Variants in KCNH1 observed in about 807,000 individuals in gnomAD.
KCNH1 encodes the protein voltage-gated delayed rectifier potassium channel KCNH1.
Under a neutral mutation model 69.2 loss-of-function variants are expected in KCNH1, and 27 were observed. The observed-to-expected ratio is 0.39, with a 90% CI of 0.29 to 0.54. The LOEUF is 0.54. Among genes scored for constraint, KCNH1 ranks in the 20% least tolerant of loss-of-function variants. The pLI, the probability that KCNH1 is intolerant of heterozygous loss-of-function variation, is 0.68. For synonymous variants in KCNH1, 456 were observed against 487.7 expected (o/e 0.93, Z 0.86); for missense variants, 798 against 1,261.6 (o/e 0.63, Z 5.57).
intron 6 of KCNH1, among the ~76,000 whole-genome samples, chr1:210,969,374 T>C (rs1451816334): frequency 6.6e-6 from 1 of 152,092 alleles, no homozygotes; most frequent in Non-Finnish European, 1.5e-5. Flanking sequence ...ACTAGAATAA[T>C]ATATATCTTG....
intron 3 of KCNH1, among the ~76,000 whole-genome samples, chr1:211,091,586 G>C (rs966857199): frequency 2.6e-5 from 4 of 152,170 alleles, no homozygotes; most frequent in African/African-American, 9.7e-5. Flanking sequence ...CCCATACAAA[G>C]CTCTCCAGAA....
At chr1:210,824,505 T>G (rs995916859) in intron 7 of KCNH1, among the ~76,000 whole-genome samples, 9 of 152,146 alleles carry the variant, frequency 5.9e-5, no homozygotes, top group African/African-American at 2.2e-4. Context: ...AAAGAAATGT[T>G]GTTGCTTTAC....
chr1:210,979,796 T>C (rs909358044), intron 6 of KCNH1, among the ~76,000 whole-genome samples: 3 of 152,222 alleles, frequency 2.0e-5, no homozygotes, highest in Non-Finnish European at 4.4e-5. Flanking sequence ...GCACACCCTA[T>C]GTAATGCTTT....
chr1:210,770,527 CATTGGCCTTTCTAGT>C (rs1489695464), intron 10 of KCNH1, among the ~76,000 whole-genome samples: 3 of 152,236 alleles, frequency 2.0e-5, no homozygotes, highest in Non-Finnish European at 4.4e-5. Flanking sequence ...AGACTCAAAG[CATTGGCCTTTCTAGT>C]GAGTTACTAA....
intron 5 of KCNH1, among the ~76,000 whole-genome samples, chr1:211,061,980 G>A (rs2102450442): frequency 6.6e-6 from 1 of 152,184 alleles, no homozygotes; most frequent in East Asian, 1.9e-4. Context: ...AAATTTATAT[G>A]GAGCAACAGA....
At chr1:210,912,780 G>C (rs1687259663) in intron 7 of KCNH1, among the ~76,000 whole-genome samples, 1 of 152,308 alleles carries the variant, frequency 6.6e-6, no homozygotes, top group Admixed American at 6.5e-5. Context: ...CTGAAAGCCA[G>C]AACTGACTGG....
intron 10 of KCNH1, among the ~76,000 whole-genome samples, chr1:210,750,138 T>C (rs190679564): frequency 6.6e-6 from 1 of 152,302 alleles, no homozygotes; most frequent in East Asian, 1.9e-4. Context: ...CAAGCTCTGA[T>C]TTGATCACAC....
At chr1:211,009,952 C>T (rs1052228501) in intron 6 of KCNH1, among the ~76,000 whole-genome samples, 1 of 152,110 alleles carries the variant, frequency 6.6e-6, no homozygotes, top group Admixed American at 6.5e-5. Flanking sequence ...GAATAAGAAG[C>T]AAGAGGATCA....
chr1:210,715,721 G>A (rs967460228), intron 10 of KCNH1, among the ~76,000 whole-genome samples: 1 of 152,094 alleles, frequency 6.6e-6, no homozygotes, highest in African/African-American at 2.4e-5. Context: ...CCCAATTTTA[G>A]CAACAATAAT....
Position 210,862,278 on chromosome 1 carries a change from G to A in KCNH1, c.1462+57362C>T, listed in dbSNP as rs538099485. 47 of 960,424 alleles carry A rather than the reference G, an allele frequency of 4.9e-5. No homozygotes were observed. The African/African-American group carries it at 7.2e-4, about 15-fold the overall frequency. The allele number at this position is 960,424 out of a possible 1,614,324, so 59.5% of individuals were successfully genotyped here. ...GCAGGGCCTCGATAATGGTGTTGGGGTCCATTGCAGCATGAACTAGGTCAA... is the reference window on the plus strand; with the variant it reads ...GCAGGGCCTCGATAATGGTGTTGGGATCCATTGCAGCATGAACTAGGTCAA... On this transcript the variant is annotated intron_variant, in intron 7 of 10. Coordinates refer to ENST00000271751, the MANE Select transcript of KCNH1 (RefSeq NM_172362.3).
chr1:211,007,757 T>C (rs77818670), intron 6 of KCNH1, among the ~76,000 whole-genome samples: 1,572 of 152,316 alleles, frequency 0.01, 66 homozygotes, highest in East Asian at 0.074. Flanking sequence ...GAATGTGCCA[T>C]TGCCTACATT....
chr1:210,684,941 C>T (rs1681376976), intron 10 of KCNH1, among the ~76,000 whole-genome samples: 1 of 152,200 alleles, frequency 6.6e-6, no homozygotes, highest in South Asian at 2.1e-4. Context: ...TAAACCACAG[C>T]TCAGGGTGGC....
At chr1:210,795,035 G>T (rs1447433294) in intron 9 of KCNH1, among the ~76,000 whole-genome samples, 4 of 152,190 alleles carry the variant, frequency 2.6e-5, no homozygotes, top group Admixed American at 2.6e-4. Flanking sequence ...ACTCTGGTCT[G>T]CAGGGTTCAG....
chr1:211,039,352 A>G (rs1419904832), intron 5 of KCNH1, among the ~76,000 whole-genome samples: 1 of 152,128 alleles, frequency 6.6e-6, no homozygotes, highest in Non-Finnish European at 1.5e-5. Context: ...CTCATGGAGA[A>G]CTCCTTCTAG....
intron 6 of KCNH1, among the ~76,000 whole-genome samples, chr1:210,986,236 C>G (rs1688831430): frequency 6.6e-6 from 1 of 152,150 alleles, no homozygotes; most frequent in Non-Finnish European, 1.5e-5. Context: ...CCTCTTTATC[C>G]AATTTGCCAG....
chr1:211,107,466 C>A, intron 1 of KCNH1, 89 bp from the exon 2 acceptor site: 4 of 1,314,346 alleles, frequency 3.0e-6, no homozygotes, highest in Admixed American at 2.1e-5. Flanking sequence ...GTCAAGCAAT[C>A]CAGATATTTC....
At chr1:210,777,895 C>A (rs541977882) in intron 9 of KCNH1, among the ~76,000 whole-genome samples, 1 of 152,220 alleles carries the variant, frequency 6.6e-6, no homozygotes, top group Non-Finnish European at 1.5e-5. Context: ...GTGGAAGAAG[C>A]GATGTTCTGG....
intron 6 of KCNH1, among the ~76,000 whole-genome samples, chr1:210,939,428 G>A (rs1404261936): frequency 6.6e-6 from 1 of 152,174 alleles, no homozygotes. Flanking sequence ...CCAACAGAGG[G>A]GAGAGTGGAA....
chr1:210,910,765 T>A (rs1687212617), intron 7 of KCNH1, among the ~76,000 whole-genome samples: 1 of 152,278 alleles, frequency 6.6e-6, no homozygotes, highest in Admixed American at 6.5e-5. Flanking sequence ...ATAAAGAATG[T>A]GTATAATGTG....
Sources: gnomAD v4.1 joint callset for allele counts (sites outside exome capture counted in the v4.1 genomes callset) on GRCh38, gnomAD v4.1.1 for gene constraint, MANE v1.5 for transcripts, NCBI Gene and HGNC (gene_info 2026-07-23, HGNC 2026-07-21) for gene names.